DLG2: variants seen among roughly 807,000 people sequenced by gnomAD.
DLG2 encodes the protein discs large MAGUK scaffold protein 2, also known as disks large homolog 2.
DLG2 carries 45 observed loss-of-function variants against 132.5 expected under a neutral mutation model. The observed-to-expected ratio is 0.34, with a 90% CI of 0.27 to 0.44. The LOEUF (loss-of-function observed/expected upper bound fraction) is 0.44, where lower values mean the gene tolerates loss of function less well. Ranked by LOEUF, DLG2 falls within the 20% of genes least tolerant of loss-of-function variation. The pLI, the probability that DLG2 is intolerant of heterozygous loss-of-function variation, is 1.00. For missense variants in DLG2, 1,045 were observed against 1,196.9 expected (o/e 0.87, Z 1.87); for synonymous variants, 424 against 419.6 (o/e 1.01, Z -0.13).
Position 84,065,668 on chromosome 11 carries a change from G to C in DLG2, c.750-6184C>G, listed in dbSNP as rs185218053. The stretch of plus-strand genomic sequence containing the variant: ...GGGAAGGAGTTTGGGGATTTCTCAA[G>C]AACTTAAAACAAAATTACCATTCAA... On this transcript the variant is annotated intron_variant, in intron 10 of 27. Transcript: ENST00000376104. Among the ~76,000 whole-genome samples the C allele has an allele frequency of 8.1e-3, 1,230 of 152,172 alleles. 11 individuals are homozygous for C. Among genetic ancestry groups the C allele is most frequent in the African/African-American group, 0.028 (1,171 of 41,504 alleles).
intron 3 of DLG2, 36 bp downstream of exon 3, chr11:85,598,621 A>T (rs1417125528): frequency 6.7e-7 from 1 of 1,487,188 alleles, no homozygotes; most frequent in East Asian, 2.6e-5. Flanking sequence ...CCCAATTCTG[A>T]CCATTAAAAT....
rs1382442763 is a variant in DLG2 at position 84,350,219 on chromosome 11, G to A, written c.520-98928C>T. Reference sequence around the variant, plus strand: ...AAAAAAAAATCCAGGCTAAAATGACGAGGACCATACTTTTCAACAGGTTTT... The same window carrying A: ...AAAAAAAAATCCAGGCTAAAATGACAAGGACCATACTTTTCAACAGGTTTT... On this transcript the variant is annotated intron_variant, in intron 7 of 27. Coordinates refer to ENST00000376104, the MANE Select transcript of DLG2 (RefSeq NM_001142699.3). Among the ~76,000 whole-genome samples, 5 of 147,952 alleles carry A rather than the reference G, an allele frequency of 3.4e-5. No individual in the cohort carries two copies. In the South Asian group the frequency reaches 6.4e-4, roughly 19 times the overall value.
At chr11:84,859,463 T>C (rs11234217) in intron 6 of DLG2, among the ~76,000 whole-genome samples, 3 of 146,694 alleles carry the variant, frequency 2.0e-5, no homozygotes, top group Non-Finnish European at 3.0e-5. Flanking sequence ...TATACATATA[T>C]ATATATCCTC....
chr11:84,633,498 A>G (rs1416169310), intron 6 of DLG2, among the ~76,000 whole-genome samples: 1 of 151,968 alleles, frequency 6.6e-6, no homozygotes, highest in Non-Finnish European at 1.5e-5. Flanking sequence ...ACTCCAAGAA[A>G]CATTTCTTGA....
At chr11:84,041,021 TTGTC>T (rs1162885039) in intron 11 of DLG2, among the ~76,000 whole-genome samples, 1 of 151,548 alleles carries the variant, frequency 6.6e-6, no homozygotes, top group African/African-American at 2.4e-5. Flanking sequence ...GGCTCTCTGT[TTGTC>T]TGTTGTTGGT....
intron 3 of DLG2, among the ~76,000 whole-genome samples, chr11:85,435,194 C>G (rs1050170675): frequency 2.6e-5 from 4 of 152,098 alleles, no homozygotes; most frequent in Non-Finnish European, 4.4e-5. Context: ...TTATGACAAA[C>G]CCACAGACAA....
chr11:84,263,079 A>G (rs1161048741), intron 7 of DLG2, among the ~76,000 whole-genome samples: 1 of 152,164 alleles, frequency 6.6e-6, no homozygotes, highest in East Asian at 1.9e-4. Context: ...TTTCAGACCC[A>G]GTAAGTTAAG....
In DLG2 at chr11:85,394,762, C is replaced by T. The variant is rs142757517; in HGVS notation, c.41-109397G>A. On this transcript the variant is annotated intron_variant, in intron 3 of 27. Coordinates refer to ENST00000376104, the MANE Select transcript of DLG2 (RefSeq NM_001142699.3). The stretch of plus-strand genomic sequence containing the variant: ...TATAAAGACAAAAGTGACTCCATCT[C>T]AGATGCTAATCTGCCATGTTGACTT... Among the ~76,000 whole-genome samples the T allele has an allele frequency of 7.2e-5, 11 of 152,318 alleles. No homozygotes were observed. In the East Asian group the frequency reaches 2.1e-3, roughly 29 times the overall value.
chr11:84,004,731 A>G (rs548849734), intron 11 of DLG2, among the ~76,000 whole-genome samples: 1 of 152,132 alleles, frequency 6.6e-6, no homozygotes, highest in African/African-American at 2.4e-5. Flanking sequence ...AGAAAGGGAA[A>G]GATCTCTACA....
At chr11:83,561,596 G>T (rs2096610199) in intron 19 of DLG2, among the ~76,000 whole-genome samples, 1 of 152,142 alleles carries the variant, frequency 6.6e-6, no homozygotes, top group Admixed American at 6.5e-5. Flanking sequence ...CAGTCTGTTT[G>T]TTAATTATTC....
intron 4 of DLG2, among the ~76,000 whole-genome samples, chr11:85,156,833 A>C (rs2077622439): frequency 6.6e-6 from 1 of 152,234 alleles, no homozygotes; most frequent in African/African-American, 2.4e-5. Context: ...TCTCTTAGCC[A>C]GATCAGAGCC....
chr11:83,954,229 T>G (rs1268742691), intron 14 of DLG2, among the ~76,000 whole-genome samples: 4 of 152,230 alleles, frequency 2.6e-5, no homozygotes, highest in African/African-American at 9.6e-5. Flanking sequence ...TATATTTGGA[T>G]GTTCCCCTTG....
At chr11:85,103,886 A>G (rs2071277856) in intron 6 of DLG2, among the ~76,000 whole-genome samples, 1 of 151,912 alleles carries the variant, frequency 6.6e-6, no homozygotes, top group Admixed American at 6.6e-5. Context: ...AAAAGACAAA[A>G]GCATTAAAAA....
At chr11:85,282,408 C>T (rs1003383659) in intron 4 of DLG2, among the ~76,000 whole-genome samples, 4 of 151,696 alleles carry the variant, frequency 2.6e-5, no homozygotes, top group Non-Finnish European at 4.4e-5. Context: ...AATGGACATC[C>T]CAATTACCCT....
intron 7 of DLG2, among the ~76,000 whole-genome samples, chr11:84,517,084 A>T (rs1336918535): frequency 6.7e-6 from 1 of 148,558 alleles, no homozygotes; most frequent in Non-Finnish European, 1.5e-5. Flanking sequence ...GATTCGCAAC[A>T]TTGGTTTGAG....
At chr11:84,422,406 G>T (rs987068324) in intron 7 of DLG2, among the ~76,000 whole-genome samples, 62 of 152,112 alleles carry the variant, frequency 4.1e-4, no homozygotes, top group African/African-American at 1.5e-3. Context: ...TTATTTGATT[G>T]TAAGCTATAG....
intron 6 of DLG2, among the ~76,000 whole-genome samples, chr11:84,918,200 C>T (rs1181896064): frequency 6.6e-6 from 1 of 152,082 alleles, no homozygotes; most frequent in East Asian, 1.9e-4. Context: ...TTTATAGTTC[C>T]TGTCTTCAAA....
intron 7 of DLG2, among the ~76,000 whole-genome samples, chr11:84,290,904 A>ACT (rs974307467): frequency 6.6e-6 from 1 of 151,898 alleles, no homozygotes; most frequent in Non-Finnish European, 1.5e-5. Flanking sequence ...AGTTGCTTAA[A>ACT]CTCTCTCTGA....
intron 7 of DLG2, among the ~76,000 whole-genome samples, chr11:84,433,780 A>T (rs1266963220): frequency 6.6e-6 from 1 of 152,204 alleles, no homozygotes; most frequent in Admixed American, 6.5e-5. Flanking sequence ...ACAAATGCCA[A>T]CGTTAAGGTT....
Sources: allele counts gnomAD v4.1 joint callset (sites outside exome capture counted in the v4.1 genomes callset), GRCh38; gene constraint gnomAD v4.1.1; transcripts MANE v1.5; gene names NCBI Gene and HGNC (gene_info 2026-07-23, HGNC 2026-07-21).